ITGA9: variants seen among roughly 807,000 people sequenced by gnomAD.
ITGA9 encodes integrin subunit alpha 9, also known as integrin alpha-9.
In ITGA9, 56 loss-of-function variants were observed where a neutral mutation model predicts 127.8. That is an observed-to-expected ratio of 0.44 (90% CI 0.35 to 0.55). ITGA9 has a LOEUF of 0.55. Among genes scored for constraint, ITGA9 ranks in the 20% least tolerant of loss-of-function variants. ITGA9 has a pLI of 0.00. For missense variants in ITGA9, 1,196 were observed against 1,347.1 expected (o/e 0.89, Z 1.76); for synonymous variants, 508 against 514.5 (o/e 0.99, Z 0.17).
At chr3:37,688,880 CTGGGTGGATGAG>C (rs1027653792) in intron 18 of ITGA9, among the ~76,000 whole-genome samples, 13 of 151,064 alleles carry the variant, frequency 8.6e-5, no homozygotes, top group African/African-American at 4.9e-5. Flanking sequence ...GGCTGGGTGA[CTGGGTGGATGAG>C]TGGGTGGATA....
chr3:37,583,960 A>G (rs531650202), intron 15 of ITGA9, among the ~76,000 whole-genome samples: 3 of 152,292 alleles, frequency 2.0e-5, no homozygotes, highest in South Asian at 4.1e-4. Context: ...ACTTGATTCT[A>G]TCAGTTGTGC....
At chr3:37,586,341 A>G (rs1412028971) in intron 15 of ITGA9, among the ~76,000 whole-genome samples, 8 of 152,192 alleles carry the variant, frequency 5.3e-5, no homozygotes, top group Admixed American at 5.2e-4. Context: ...CTATGCCTGG[A>G]TCATGAAAGA....
intron 15 of ITGA9, among the ~76,000 whole-genome samples, chr3:37,621,409 C>T (rs1229684954): frequency 6.6e-6 from 1 of 152,220 alleles, no homozygotes; most frequent in Non-Finnish European, 1.5e-5. Flanking sequence ...TACCCACAGA[C>T]CTGCCATCCC....
At chr3:37,628,689 G>T (rs1219664306) in intron 15 of ITGA9, among the ~76,000 whole-genome samples, 1 of 152,176 alleles carries the variant, frequency 6.6e-6, no homozygotes, top group African/African-American at 2.4e-5. Flanking sequence ...ACAGGGCCAG[G>T]AGTCAGAATT....
At position 37,818,191 on chromosome 3, in the gene ITGA9, T is replaced by TAAAAAAAAAAAAAAAA. The variant is rs748381488; in HGVS notation, c.3010-689_3010-674dup. 34 of 31,968 alleles carry TAAAAAAAAAAAAAAAA rather than the reference T, an allele frequency of 1.1e-3. 2 individuals carry two copies. In the East Asian group the frequency reaches 0.013, roughly 12 times the overall value. The allele number at this position is 31,968 out of a possible 1,614,324, so 2.0% of individuals were successfully genotyped here. Reference sequence around the variant, plus strand: ...CTTTCCACTGTACATTAAGACTCTCTAAAAAAAAAAAAAAAAAAAAAAAAA... The same window carrying TAAAAAAAAAAAAAAAA: ...CTTTCCACTGTACATTAAGACTCTCTAAAAAAAAAAAAAAAAAAAAAAAAAAAAAAAAAAAAAAAAA... On this transcript the variant is annotated intron_variant, in intron 27 of 27. Coordinates refer to ENST00000264741, the MANE Select transcript of ITGA9 (RefSeq NM_002207.3).
intron 15 of ITGA9, among the ~76,000 whole-genome samples, chr3:37,559,176 A>G (rs922173861): frequency 2.0e-5 from 3 of 152,196 alleles, no homozygotes; most frequent in Non-Finnish European, 4.4e-5. Flanking sequence ...GGATGAGTAA[A>G]GAGTTAACGT....
chr3:37,632,622 A>G (rs1486670713), intron 16 of ITGA9, among the ~76,000 whole-genome samples: 2 of 152,212 alleles, frequency 1.3e-5, no homozygotes, highest in Non-Finnish European at 2.9e-5. Flanking sequence ...TACAATCACA[A>G]TAAACCAAAA....
intron 15 of ITGA9, among the ~76,000 whole-genome samples, chr3:37,550,097 G>C (rs146900923): frequency 2.6e-5 from 4 of 152,204 alleles, no homozygotes; most frequent in African/African-American, 7.2e-5. Context: ...AGGCATAGAA[G>C]AGTGAAGGGA....
chr3:37,759,077 C>CCACACA (rs10565669), intron 23 of ITGA9, among the ~76,000 whole-genome samples: 83 of 146,172 alleles, frequency 5.7e-4, no homozygotes, highest in African/African-American at 7.8e-4. Flanking sequence ...ATATATATAC[C>CCACACA]CACACACACA....
intron 18 of ITGA9, among the ~76,000 whole-genome samples, chr3:37,713,714 A>C (rs1701103126): frequency 6.6e-6 from 1 of 152,120 alleles, no homozygotes; most frequent in Non-Finnish European, 1.5e-5. Context: ...CTTTCTTCAC[A>C]AGGGAGCTGC....
chr3:37,558,472 A>G (rs1174028529), intron 15 of ITGA9, among the ~76,000 whole-genome samples: 3 of 151,790 alleles, frequency 2.0e-5, no homozygotes, highest in Non-Finnish European at 4.4e-5. Context: ...TTGCTTCTCT[A>G]TTTTCAATTC....
intron 8 of ITGA9, among the ~76,000 whole-genome samples, chr3:37,512,205 T>TTTTCTTTC (rs200530082): frequency 1.3e-5 from 1 of 79,468 alleles, no homozygotes; most frequent in African/African-American, 5.9e-5. Flanking sequence ...TTTTCTTTTC[T>TTTTCTTTC]TTTCTTTCTT....
In ITGA9 at chr3:37,659,663, T is replaced by A. The variant is rs540488810; in HGVS notation, c.1916+5873T>A. On this transcript the variant is annotated intron_variant, in intron 17 of 27. Transcript: ENST00000264741. ...TCAGAGGAGTTTGTTATTACCCACC[T>A]TCTGAAGCTTACTTCTGTCAATTCA... Among the ~76,000 whole-genome samples, 3 of 152,216 alleles carry A rather than the reference T, an allele frequency of 2.0e-5. No homozygotes were observed. In the East Asian group the frequency reaches 5.8e-4, roughly 29 times the overall value.
Position 37,736,845 on chromosome 3 carries a change from G to T in ITGA9, c.2155-59G>T. 7 of 1,081,438 alleles carry T rather than the reference G, an allele frequency of 6.5e-6. No individual in the cohort carries two copies. In the South Asian group the frequency reaches 8.8e-5, roughly 14 times the overall value. 67.0% of individuals were successfully genotyped at this position (1,081,438 alleles called of 1,614,324 possible). Reference sequence around the variant, plus strand: ...AGGTCATAAACTGCAGAAGATGGAAGAGAACAGTTTAAGTTTGGAATGCCT... The same window carrying T: ...AGGTCATAAACTGCAGAAGATGGAATAGAACAGTTTAAGTTTGGAATGCCT... On this transcript the variant is annotated intron_variant, in intron 19 of 27. Transcript: ENST00000264741.
intron 15 of ITGA9, among the ~76,000 whole-genome samples, chr3:37,624,233 A>T (rs2125632928): frequency 8.3e-6 from 1 of 120,972 alleles, no homozygotes. Flanking sequence ...TAATGGAGAC[A>T]AGCAGCAATT....
intron 15 of ITGA9, among the ~76,000 whole-genome samples, chr3:37,559,306 T>C (rs1699463087): frequency 6.6e-6 from 1 of 151,938 alleles, no homozygotes; most frequent in African/African-American, 2.4e-5. Flanking sequence ...ATACACCCCA[T>C]AACCATTTTG....
chr3:37,497,522 T>G (rs1698743689), intron 5 of ITGA9, among the ~76,000 whole-genome samples: 1 of 152,182 alleles, frequency 6.6e-6, no homozygotes, highest in East Asian at 1.9e-4. Flanking sequence ...CTTTCATAGG[T>G]TGTTTTTAAA....
At chr3:37,615,742 G>A (rs1700067896) in intron 15 of ITGA9, among the ~76,000 whole-genome samples, 1 of 152,194 alleles carries the variant, frequency 6.6e-6, no homozygotes, top group Non-Finnish European at 1.5e-5. Context: ...AGATTTTCTA[G>A]TTTATTTGCG....
intron 26 of ITGA9, among the ~76,000 whole-genome samples, chr3:37,800,202 T>G (rs1453932778): frequency 6.6e-6 from 1 of 152,218 alleles, no homozygotes; most frequent in Admixed American, 6.5e-5. Context: ...GCGTTGCTGG[T>G]ATGCAGATTT....
Sources: allele counts gnomAD v4.1 joint callset (sites outside exome capture counted in the v4.1 genomes callset), GRCh38; gene constraint gnomAD v4.1.1; transcripts MANE v1.5; gene names NCBI Gene and HGNC (gene_info 2026-07-23, HGNC 2026-07-21).